CAPN9: variants seen among roughly 807,000 people sequenced by gnomAD.
The protein encoded by CAPN9 is calpain-9.
In CAPN9, 81 loss-of-function variants were observed where a neutral mutation model predicts 92.8. The ratio of observed to expected loss-of-function variants is 0.87; its 90% CI spans 0.73 to 1.05. The LOEUF (loss-of-function observed/expected upper bound fraction) is 1.05, where lower values mean the gene tolerates loss of function less well. Among genes scored for constraint, CAPN9 ranks in the 50% least tolerant of loss-of-function variants. The probability of loss-of-function intolerance (pLI) is 0.00; values close to 1 mark genes in which losing one functional copy is unlikely to be tolerated. For missense variants in CAPN9, 848 were observed against 866.2 expected (o/e 0.98, Z 0.26); for synonymous variants, 304 against 328.0 (o/e 0.93, Z 0.79).
rs543660212 is a variant in CAPN9, at chr1:230,792,934, G to A, written c.1870+6G>A. ...GACTGCACTGAAAGCTGCAGGTAAAGAAAAGACTGGAGTACAGGTGGCTGA... is the reference window on the plus strand; with the variant it reads ...GACTGCACTGAAAGCTGCAGGTAAAAAAAAGACTGGAGTACAGGTGGCTGA... On this transcript the variant is annotated splice_donor_region_variant and intron_variant, in intron 17 of 19. Transcript: ENST00000271971. The A allele has an allele frequency of 3.1e-6, 5 of 1,608,892 alleles. No individual in the cohort carries two copies. The African/African-American group carries it at 4.0e-5, about 13-fold the overall frequency.
At chr1:230,757,921 C>T (rs1233084009) in intron 2 of CAPN9, among the ~76,000 whole-genome samples, 4 of 151,878 alleles carry the variant, frequency 2.6e-5, no homozygotes, top group Non-Finnish European at 4.4e-5. Context: ...TGCAGTGAGC[C>T]GAGATGGTGC....
At chr1:230,749,313 T>A (rs1664618871) in intron 1 of CAPN9, among the ~76,000 whole-genome samples, 2 of 152,308 alleles carry the variant, frequency 1.3e-5, no homozygotes, top group African/African-American at 4.8e-5. Context: ...TAGTAGGTCA[T>A]GCTCTGCTAA....
chr1:230,775,916 CAA>C (rs34406575), intron 8 of CAPN9, among the ~76,000 whole-genome samples: 6,281 of 110,406 alleles, frequency 0.057, 423 homozygotes, highest in African/African-American at 0.18. Flanking sequence ...TACTCCATCT[CAA>C]AAAAAAAAAA....
At chr1:230,777,825 C>T (rs1666919951) in intron 8 of CAPN9, among the ~76,000 whole-genome samples, 1 of 152,140 alleles carries the variant, frequency 6.6e-6, no homozygotes, top group Non-Finnish European at 1.5e-5. Flanking sequence ...AGCTCCTTCT[C>T]AACATCCTGT....
chr1:230,762,559 G>A (rs1665709997), intron 3 of CAPN9, 94 bp from the exon 4 acceptor site: 1 of 1,464,982 alleles, frequency 6.8e-7, no homozygotes, highest in Non-Finnish European at 9.3e-7. Context: ...CTTGGTCAGA[G>A]GGGAAAAAAG....
chr1:230,795,307 A>C, intron 18 of CAPN9, 28 bp downstream of exon 18: 3 of 1,425,132 alleles, frequency 2.1e-6, no homozygotes, highest in Non-Finnish European at 3.0e-6. Context: ...CTGAGGGTGC[A>C]CCTCGGGGTG....
intron 1 of CAPN9, among the ~76,000 whole-genome samples, chr1:230,751,187 C>G (rs550083830): frequency 6.6e-4 from 101 of 152,322 alleles, no homozygotes; most frequent in Non-Finnish European, 1.3e-3. Flanking sequence ...ACCACAGCCT[C>G]TCCTGCACGG....
chr1:230,762,578 T>C (rs2102853914), intron 3 of CAPN9, 75 bp from the exon 4 acceptor site: 7 of 1,548,998 alleles, frequency 4.5e-6, no homozygotes, highest in Non-Finnish European at 5.3e-6. Flanking sequence ...AGCAACAGGA[T>C]CAACATTTAC....
chr1:230,752,926 C>T (rs892379641), intron 1 of CAPN9, among the ~76,000 whole-genome samples: 5 of 152,148 alleles, frequency 3.3e-5, no homozygotes, highest in African/African-American at 9.7e-5. Flanking sequence ...TACTGCTGAG[C>T]GGGGCAGGCT....
intron 13 of CAPN9, among the ~76,000 whole-genome samples, chr1:230,789,706 C>T (rs1163166898): frequency 1.3e-5 from 2 of 152,080 alleles, no homozygotes; most frequent in Admixed American, 6.5e-5. Flanking sequence ...GCCCCAGATG[C>T]GGGACTATTT....
At chr1:230,785,682 T>C (rs1379226081) in intron 11 of CAPN9, among the ~76,000 whole-genome samples, 1 of 152,202 alleles carries the variant, frequency 6.6e-6, no homozygotes, top group Non-Finnish European at 1.5e-5. Flanking sequence ...TGTAGAACCA[T>C]GAGCCAATCA....
At chr1:230,756,389 A>T (rs1381893855) in intron 2 of CAPN9, among the ~76,000 whole-genome samples, 2 of 152,196 alleles carry the variant, frequency 1.3e-5, no homozygotes, top group Non-Finnish European at 2.9e-5. Flanking sequence ...TAGAAAACGG[A>T]TGCATAATTA....
At chr1:230,787,823 A>G (rs1667712698) in intron 13 of CAPN9, among the ~76,000 whole-genome samples, 1 of 152,192 alleles carries the variant, frequency 6.6e-6, no homozygotes, top group Non-Finnish European at 1.5e-5. Context: ...AGTGAGCCCA[A>G]AGAAGCTTGG....
intron 1 of CAPN9, among the ~76,000 whole-genome samples, chr1:230,750,692 C>T (rs964955028): frequency 3.9e-5 from 6 of 152,178 alleles, no homozygotes; most frequent in African/African-American, 1.4e-4. Context: ...GGCCCTCCTC[C>T]TCAGCACCAC....
chr1:230,766,689 T>C (rs550612494), intron 4 of CAPN9, among the ~76,000 whole-genome samples: 15 of 152,320 alleles, frequency 9.8e-5, no homozygotes, highest in African/African-American at 3.6e-4. Context: ...AAGTCTGTTT[T>C]CACACTGCTG....
In CAPN9 at chr1:230,795,132, G is replaced by T. The variant is rs1227898290; in HGVS notation, c.1871-31G>T. 3.6e-6 allele frequency: 5 copies of T among 1,398,704 alleles called. No individual in the cohort carries two copies. The African/African-American group carries it at 7.1e-5, about 20-fold the overall frequency. The allele number at this position is 1,398,704 out of a possible 1,614,324, so 86.6% of individuals were successfully genotyped here. On this transcript the variant is annotated intron_variant, in intron 17 of 19. Coordinates refer to ENST00000271971, the MANE Select transcript of CAPN9 (RefSeq NM_006615.3). Reference sequence around the variant, plus strand: ...ACTCACCTCGGGGCTCGGATACAGCGAGTCCTGGGTCTCCTCCTTTGTCCC... The same window carrying T: ...ACTCACCTCGGGGCTCGGATACAGCTAGTCCTGGGTCTCCTCCTTTGTCCC...
At chr1:230,749,265 C>G (rs1327653015) in intron 1 of CAPN9, among the ~76,000 whole-genome samples, 1 of 152,222 alleles carries the variant, frequency 6.6e-6, no homozygotes, top group Non-Finnish European at 1.5e-5. Context: ...GGTCACGGCA[C>G]TGGCAGATCA....
At chr1:230,780,113 TG>T in intron 9 of CAPN9, 65 bp from the exon 10 acceptor site, 5 of 888,926 alleles carry the variant, frequency 5.6e-6, no homozygotes, top group Non-Finnish European at 5.3e-6. Context: ...TGTGTGTGTG[TG>T]TGTGTGTGGT....
chr1:230,777,699 T>A (rs1572057244), intron 8 of CAPN9, among the ~76,000 whole-genome samples: 1 of 140,832 alleles, frequency 7.1e-6, no homozygotes, highest in South Asian at 2.1e-4. Context: ...ACCCTGATCT[T>A]GCCAGGGACG....
Sources: allele counts gnomAD v4.1 joint callset (sites outside exome capture counted in the v4.1 genomes callset), GRCh38; gene constraint gnomAD v4.1.1; transcripts MANE v1.5; gene names NCBI Gene and HGNC (gene_info 2026-07-23, HGNC 2026-07-21).